B3GALT1: variants seen among roughly 807,000 people sequenced by gnomAD.
The protein encoded by B3GALT1 is UDP-Gal:betaGlcNAc beta 1,3-galactosyltransferase, polypeptide 1.
In B3GALT1, 10 loss-of-function variants were observed where a neutral mutation model predicts 23.2. The observed-to-expected ratio is 0.43, with a 90% CI of 0.27 to 0.73. The LOEUF (loss-of-function observed/expected upper bound fraction) is 0.73, where lower values mean the gene tolerates loss of function less well. B3GALT1 is among the 30% of genes least tolerant of loss of function. The pLI, the probability that B3GALT1 is intolerant of heterozygous loss-of-function variation, is 0.21. For synonymous variants in B3GALT1, 156 were observed against 141.5 expected (o/e 1.10, Z -0.73); for missense variants, 299 against 405.4 (o/e 0.74, Z 2.25).
At chr2:167,778,243 T>C (rs990833147) in intron 3 of B3GALT1, among the ~76,000 whole-genome samples, 1 of 152,138 alleles carries the variant, frequency 6.6e-6, no homozygotes, top group Non-Finnish European at 1.5e-5. Flanking sequence ...CTTTCTTCAC[T>C]TTATCTTCCT....
At chr2:167,378,872 G>A (rs939742726) in intron 1 of B3GALT1, among the ~76,000 whole-genome samples, 23 of 152,094 alleles carry the variant, frequency 1.5e-4, no homozygotes, top group African/African-American at 4.8e-4. Context: ...CGATCCCTTG[G>A]TGGTGCCACT....
intron 3 of B3GALT1, among the ~76,000 whole-genome samples, chr2:167,746,206 G>A (rs557817860): frequency 1.3e-5 from 2 of 151,760 alleles, no homozygotes; most frequent in South Asian, 4.1e-4. Context: ...AATTCATGCT[G>A]TGCAACTGAT....
chr2:167,319,464 A>C (rs1327473779), intron 1 of B3GALT1, among the ~76,000 whole-genome samples: 1 of 152,092 alleles, frequency 6.6e-6, no homozygotes, highest in Non-Finnish European at 1.5e-5. Context: ...ACCTATGCAA[A>C]CACAGAAAGA....
chr2:167,565,922 C>T (rs1558908562), intron 2 of B3GALT1, among the ~76,000 whole-genome samples: 1 of 151,976 alleles, frequency 6.6e-6, no homozygotes, highest in Non-Finnish European at 1.5e-5. Context: ...ACTAGTTCAA[C>T]CATTGTGGAA....
At chr2:167,478,456 C>G (rs1219043138) in intron 1 of B3GALT1, among the ~76,000 whole-genome samples, 1 of 152,002 alleles carries the variant, frequency 6.6e-6, no homozygotes, top group African/African-American at 2.4e-5. Context: ...AAGTCCCTCC[C>G]AGATCTACTG....
intron 3 of B3GALT1, among the ~76,000 whole-genome samples, chr2:167,720,919 T>C (rs1687221403): frequency 6.6e-6 from 1 of 152,200 alleles, no homozygotes; most frequent in Non-Finnish European, 1.5e-5. Context: ...AAAAGATGCA[T>C]TGGGAATCTC....
At chr2:167,564,463 C>G (rs556959847) in intron 2 of B3GALT1, among the ~76,000 whole-genome samples, 2 of 152,142 alleles carry the variant, frequency 1.3e-5, no homozygotes, top group Non-Finnish European at 2.9e-5. Context: ...GACGGGGTGG[C>G]GGCCGGGCAG....
intron 3 of B3GALT1, among the ~76,000 whole-genome samples, chr2:167,809,557 C>G (rs1009666396): frequency 5.3e-5 from 8 of 152,124 alleles, no homozygotes; most frequent in Admixed American, 3.3e-4. Context: ...TACTCCAGAC[C>G]CTGTTTGCCT....
At chr2:167,387,117 A>G (rs947088166) in intron 1 of B3GALT1, among the ~76,000 whole-genome samples, 2 of 152,158 alleles carry the variant, frequency 1.3e-5, no homozygotes, top group Non-Finnish European at 1.5e-5. Context: ...GCATTGTTGT[A>G]TTTATTTAAT....
intron 2 of B3GALT1, among the ~76,000 whole-genome samples, chr2:167,500,504 G>A (rs1699835814): frequency 6.6e-6 from 1 of 151,964 alleles, no homozygotes; most frequent in African/African-American, 2.4e-5. Flanking sequence ...ATGAATCGGG[G>A]GACTGGAGTT....
intron 4 of B3GALT1, among the ~76,000 whole-genome samples, chr2:167,836,831 G>T (rs187147583): frequency 8.5e-5 from 13 of 152,160 alleles, no homozygotes; most frequent in South Asian, 4.1e-4. Context: ...CGGATCTCTC[G>T]GGAGAAACTC....
intron 2 of B3GALT1, among the ~76,000 whole-genome samples, chr2:167,558,809 T>A (rs564976416): frequency 6.6e-6 from 1 of 152,316 alleles, no homozygotes; most frequent in African/African-American, 2.4e-5. Context: ...GCCAGGAAGT[T>A]CGAACTGGGT....
chr2:167,670,471 A>G (rs1400471684), intron 3 of B3GALT1, among the ~76,000 whole-genome samples: 1 of 152,218 alleles, frequency 6.6e-6, no homozygotes, highest in Non-Finnish European at 1.5e-5. Context: ...AAAAACAACA[A>G]TGCAAGATTT....
rs141111761 is a variant in B3GALT1, at chr2:167,509,493, G to A, written c.-410+19216G>A. 5.3e-3 allele frequency among the ~76,000 whole-genome samples: 812 copies of A among 152,206 alleles called. 3 individuals carry two copies. The highest frequency in any genetic ancestry group is 0.016 in the African/African-American group (659 of 41,538). Reference sequence around the variant, plus strand: ...ATAGGTATTTTAAAGGGTGATAATTGCTAAGGGGGAAAAACAACATAGGTA... The same window carrying A: ...ATAGGTATTTTAAAGGGTGATAATTACTAAGGGGGAAAAACAACATAGGTA... On this transcript the variant is annotated intron_variant, in intron 2 of 4. Coordinates refer to ENST00000392690, the MANE Select transcript of B3GALT1 (RefSeq NM_020981.4).
At chr2:167,506,198 T>G (rs1378217287) in intron 2 of B3GALT1, among the ~76,000 whole-genome samples, 1 of 152,196 alleles carries the variant, frequency 6.6e-6, no homozygotes, top group Non-Finnish European at 1.5e-5. Flanking sequence ...CACCTCTGTT[T>G]TCATATAAGT....
At chr2:167,296,824 A>G (rs772605584) in intron 1 of B3GALT1, among the ~76,000 whole-genome samples, 10 of 152,142 alleles carry the variant, frequency 6.6e-5, no homozygotes, top group Non-Finnish European at 1.3e-4. Flanking sequence ...TTTATATTCT[A>G]TTGGGGTGCA....
At chr2:167,818,257 G>A (rs1031375511) in intron 3 of B3GALT1, among the ~76,000 whole-genome samples, 4 of 152,202 alleles carry the variant, frequency 2.6e-5, no homozygotes, top group Admixed American at 6.5e-5. Flanking sequence ...CTAAAAATTG[G>A]ACGTTGTGAC....
At chr2:167,664,695 T>C (rs1476593442) in intron 3 of B3GALT1, among the ~76,000 whole-genome samples, 1 of 152,174 alleles carries the variant, frequency 6.6e-6, no homozygotes, top group African/African-American at 2.4e-5. Context: ...GTAAGTTGGA[T>C]TCCTAGGTAT....
At chr2:167,580,597 C>T (rs1574150506) in intron 2 of B3GALT1, among the ~76,000 whole-genome samples, 1 of 152,256 alleles carries the variant, frequency 6.6e-6, no homozygotes, top group Middle Eastern at 3.4e-3. Context: ...AAATGCAGAC[C>T]ACTCTCTGTT....
Sources: allele counts gnomAD v4.1 joint callset (sites outside exome capture counted in the v4.1 genomes callset), GRCh38; gene constraint gnomAD v4.1.1; transcripts MANE v1.5; gene names NCBI Gene and HGNC (gene_info 2026-07-23, HGNC 2026-07-21).